Variants in TLL1 observed in about 807,000 individuals in gnomAD.
The protein encoded by TLL1 is tolloid-like protein 1.
Under a neutral mutation model 128.2 loss-of-function variants are expected in TLL1, and 49 were observed. The observed-to-expected ratio is 0.38, with a 90% CI of 0.30 to 0.48. The LOEUF (loss-of-function observed/expected upper bound fraction) is 0.48, where lower values mean the gene tolerates loss of function less well. TLL1 is among the 20% of genes least tolerant of loss of function. The pLI is 0.96. For missense variants in TLL1, 1,123 were observed against 1,242.0 expected (o/e 0.90, Z 1.44); for synonymous variants, 454 against 418.8 (o/e 1.08, Z -1.03).
At chr4:166,098,226 T>C (rs1231206623) in intron 19 of TLL1, among the ~76,000 whole-genome samples, 1 of 150,556 alleles carries the variant, frequency 6.6e-6, no homozygotes, top group Non-Finnish European at 1.5e-5. Flanking sequence ...TGCCAGTTAC[T>C]TGGGAGGGTG....
At chr4:166,049,252 C>T (rs1014937326) in intron 12 of TLL1, among the ~76,000 whole-genome samples, 2 of 152,136 alleles carry the variant, frequency 1.3e-5, no homozygotes, top group African/African-American at 2.4e-5. Flanking sequence ...GCACTATGAT[C>T]GAAACCAAGC....
chr4:165,934,522 G>A (rs568843401), intron 1 of TLL1, among the ~76,000 whole-genome samples: 2 of 152,354 alleles, frequency 1.3e-5, no homozygotes, highest in East Asian at 3.9e-4. Flanking sequence ...ATGGCAGAAA[G>A]TGGTGTTTAC....
intron 1 of TLL1, among the ~76,000 whole-genome samples, chr4:165,959,191 G>A (rs1341785930): frequency 2.0e-5 from 3 of 152,014 alleles, no homozygotes; most frequent in Non-Finnish European, 2.9e-5. Flanking sequence ...ACTTGGCGAT[G>A]CGGGCTTTTT....
chr4:166,077,918 A>G lies in TLL1; in HGVS notation c.2330A>G (p.Lys777Arg). The G allele has an allele frequency of 6.2e-7, 1 of 1,613,580 alleles. No homozygotes were observed. Among genetic ancestry groups the G allele is most frequent in the East Asian group, 2.2e-5 (1 of 44,760 alleles). Reference sequence around the variant, plus strand: ...ATTGGTGCAGCTGAGTGTGAACAGAAGATCCACAGTCCAAGTGGCCTCATC... The same window carrying G: ...ATTGGTGCAGCTGAGTGTGAACAGAGGATCCACAGTCCAAGTGGCCTCATC... ...HDCKEAECEQ[K>R]IHSPSGLITS... Residue 777 changes from lysine to arginine, a missense_variant, in exon 18 of 21, where the codon AAG (lysine) becomes AGG (arginine). By Grantham distance (26) the Lys-to-Arg change is conservative. Coordinates refer to ENST00000061240, the MANE Select transcript of TLL1 (RefSeq NM_012464.5).
intron 1 of TLL1, among the ~76,000 whole-genome samples, chr4:165,986,893 A>G (rs769284465): frequency 6.6e-6 from 1 of 152,154 alleles, no homozygotes; most frequent in Non-Finnish European, 1.5e-5. Context: ...GACAAAGTAC[A>G]TTTTGCTTAG....
intron 2 of TLL1, among the ~76,000 whole-genome samples, chr4:165,990,661 C>T (rs189122909): frequency 3.3e-5 from 5 of 151,786 alleles, no homozygotes; most frequent in South Asian, 2.1e-4. Context: ...CTGCAGAAAA[C>T]GCACTTTAAT....
chr4:166,049,760 C>G (rs1739627027), intron 12 of TLL1, among the ~76,000 whole-genome samples: 1 of 150,732 alleles, frequency 6.6e-6, no homozygotes, highest in Non-Finnish European at 1.5e-5. Flanking sequence ...ATTCAATGTT[C>G]CTTTTGTTTA....
chr4:166,038,769 A>G (rs775729683), intron 9 of TLL1, among the ~76,000 whole-genome samples: 21 of 152,196 alleles, frequency 1.4e-4, no homozygotes, highest in Non-Finnish European at 2.9e-4. Context: ...AGAGAAACAT[A>G]GTGACATCTG....
In TLL1 at chr4:166,043,374, A is replaced by G; in HGVS notation, c.1479A>G (p.Thr493=). The change falls in exon 12 of 21, where the codon ACA becomes ACG. Residue 493 remains threonine (T), a synonymous_variant. Coordinates refer to ENST00000061240, the MANE Select transcript of TLL1 (RefSeq NM_012464.5). ...TGAAAGAATGTGTGTGGAAAATAAC[A>G]GTGTCTGAGAGCTACCACGTCGGGC... ...RPMKECVWKI[T]VSESYHVGLT... 6.2e-7 allele frequency: 1 copy of G among 1,614,126 alleles called. No homozygotes were observed. The highest frequency in any genetic ancestry group is 8.5e-7 in the Non-Finnish European group (1 of 1,179,968).
chr4:166,066,942 G>A (rs1305225572), intron 16 of TLL1, among the ~76,000 whole-genome samples: 2 of 151,690 alleles, frequency 1.3e-5, no homozygotes, highest in East Asian at 3.9e-4. Context: ...TAAATATTAT[G>A]TGTGTTATAA....
intron 16 of TLL1, among the ~76,000 whole-genome samples, chr4:166,067,392 C>T (rs1400454795): frequency 1.3e-5 from 2 of 151,588 alleles, no homozygotes; most frequent in Non-Finnish European, 3.0e-5. Flanking sequence ...TTATTCGTGT[C>T]CTTAGAAACA....
rs181672080 is a variant in TLL1 at position 166,101,540 on chromosome 4, G to T, written c.*664G>T. The T allele has an allele frequency of 3.9e-5, 6 of 152,436 alleles. No homozygotes were observed. The East Asian group carries it at 9.7e-4, about 25-fold the overall frequency. The allele number at this position is 152,436 out of a possible 1,614,324, so 9.4% of individuals were successfully genotyped here. A position where few individuals can be genotyped will look rare whatever the true frequency, so the allele number is the denominator to read the frequency against. ...TAGATGAGTTTGAAATCTCAATGGT[G>T]TCTAATTATTGCAGTTAAATTCTAG... On this transcript the variant is annotated 3_prime_UTR_variant, in exon 21 of 21. Transcript: ENST00000061240.
At chr4:165,888,388 T>G (rs1416639810) in intron 1 of TLL1, among the ~76,000 whole-genome samples, 2 of 152,166 alleles carry the variant, frequency 1.3e-5, no homozygotes, top group South Asian at 4.1e-4. Context: ...CTACCTTGCA[T>G]TCCTGGGATG....
intron 8 of TLL1, among the ~76,000 whole-genome samples, chr4:166,015,813 A>G (rs1737910086): frequency 6.6e-6 from 1 of 151,700 alleles, no homozygotes; most frequent in Non-Finnish European, 1.5e-5. Context: ...GGGATTTCCT[A>G]TTCCTTAATA....
At chr4:166,016,636 G>A (rs1240597141) in intron 8 of TLL1, among the ~76,000 whole-genome samples, 1 of 151,858 alleles carries the variant, frequency 6.6e-6, no homozygotes, top group Non-Finnish European at 1.5e-5. Context: ...AAATAATAAT[G>A]TGTACATTAT....
intron 9 of TLL1, among the ~76,000 whole-genome samples, chr4:166,029,311 C>A (rs1348088390): frequency 6.6e-6 from 1 of 151,886 alleles, no homozygotes; most frequent in African/African-American, 2.4e-5. Flanking sequence ...AGGATCTTAT[C>A]CCAATTCAAA....
At chr4:166,069,566 ATATAT>A (rs1251328417) in intron 16 of TLL1, among the ~76,000 whole-genome samples, 6 of 151,808 alleles carry the variant, frequency 4.0e-5, no homozygotes, top group Non-Finnish European at 8.8e-5. Flanking sequence ...CAATGAAATA[ATATAT>A]TTATAGTATT....
Position 166,037,016 on chromosome 4 carries a change from G to A in TLL1, c.1159-2323G>A, listed in dbSNP as rs76512540. Among the ~76,000 whole-genome samples, 998 of 152,184 alleles carry A rather than the reference G, an allele frequency of 6.6e-3. 6 individuals are homozygous for A. The highest frequency in any genetic ancestry group is 0.023 in the African/African-American group (945 of 41,496). On this transcript the variant is annotated intron_variant, in intron 9 of 20. Coordinates refer to ENST00000061240, the MANE Select transcript of TLL1 (RefSeq NM_012464.5). ...ATCTAAGAGGGAAGCCAGAACGTGA[G>A]CCCTGGGGGAGTCTCTGTTTGTGTC...
At chr4:166,041,847 G>A (rs1468214140) in intron 10 of TLL1, among the ~76,000 whole-genome samples, 180 bp from the exon 11 acceptor site, 4 of 150,778 alleles carry the variant, frequency 2.7e-5, no homozygotes, top group Admixed American at 6.6e-5. Context: ...TATATATGAA[G>A]ACATTGTTTT....
Sources: gnomAD v4.1 joint callset for allele counts (sites outside exome capture counted in the v4.1 genomes callset) on GRCh38, gnomAD v4.1.1 for gene constraint, MANE v1.5 for transcripts, NCBI Gene and HGNC (gene_info 2026-07-23, HGNC 2026-07-21) for gene names.